Variants in RBFOX1 observed in about 807,000 individuals in gnomAD.
RBFOX1 encodes RNA binding fox-1 homolog 1, also known as RNA binding protein fox-1 homolog 1.
A neutral mutation model predicts 57.7 loss-of-function variants in RBFOX1; 8 were observed. That is an observed-to-expected ratio of 0.14 (90% CI 0.08 to 0.25). The LOEUF (loss-of-function observed/expected upper bound fraction) is 0.25. Among genes scored for constraint, RBFOX1 ranks in the 10% least tolerant of loss-of-function variants. RBFOX1 has a pLI of 1.00. For missense variants in RBFOX1, 611 were observed against 548.5 expected, an observed-to-expected ratio of 1.11 and a Z score of -1.14; for synonymous variants, 326 against 222.4, an observed-to-expected ratio of 1.47 and a Z score of -4.15.
chr16:6,628,348 C>T (rs896023692), intron 2 of RBFOX1, among the ~76,000 whole-genome samples: 1 of 152,180 alleles, frequency 6.6e-6, no homozygotes, highest in Non-Finnish European at 1.5e-5. Flanking sequence ...TATGTCCCAA[C>T]AGCAGGATGT....
intron 3 of RBFOX1, among the ~76,000 whole-genome samples, chr16:5,730,874 CACT>C (rs747918958): frequency 6.6e-5 from 10 of 152,046 alleles, no homozygotes; most frequent in Admixed American, 5.2e-4. Flanking sequence ...TTGTCATCAC[CACT>C]ATTATCATTG....
intron 3 of RBFOX1, among the ~76,000 whole-genome samples, chr16:6,844,388 C>G (rs1413324966): frequency 6.6e-6 from 1 of 152,106 alleles, no homozygotes; most frequent in African/African-American, 2.4e-5. Context: ...ATTGTTCTCT[C>G]CCATGTGCCC....
chr16:7,081,072 T>A (rs142328405), intron 4 of RBFOX1, among the ~76,000 whole-genome samples: 1 of 152,306 alleles, frequency 6.6e-6, no homozygotes, highest in Non-Finnish European at 1.5e-5. Context: ...TCTCACTCTG[T>A]CACCAAGGCT....
chr16:5,996,662 A>C (rs535161746), intron 4 of RBFOX1, among the ~76,000 whole-genome samples: 3 of 152,232 alleles, frequency 2.0e-5, no homozygotes, highest in African/African-American at 7.2e-5. Flanking sequence ...TTGGGGCTTG[A>C]AGGGGTAAGA....
intron 3 of RBFOX1, among the ~76,000 whole-genome samples, chr16:5,722,787 G>A (rs1202068446): frequency 2.0e-5 from 3 of 152,038 alleles, no homozygotes; most frequent in South Asian, 2.1e-4. Flanking sequence ...CATCAGTCTC[G>A]GCTTACCTCT....
At chr16:5,872,711 G>C (rs2057506133) in intron 4 of RBFOX1, among the ~76,000 whole-genome samples, 1 of 152,002 alleles carries the variant, frequency 6.6e-6, no homozygotes, top group South Asian at 2.1e-4. Context: ...ACTCTAGCCT[G>C]GGTGACAGAG....
chr16:6,640,096 A>G (rs549084593), intron 2 of RBFOX1, among the ~76,000 whole-genome samples: 7 of 152,282 alleles, frequency 4.6e-5, no homozygotes, highest in African/African-American at 1.7e-4. Flanking sequence ...TAAGTGGTAG[A>G]GTCAGGATTT....
chr16:5,565,196 C>T (rs551086605), intron 2 of RBFOX1, among the ~76,000 whole-genome samples: 1 of 152,244 alleles, frequency 6.6e-6, no homozygotes, highest in Non-Finnish European at 1.5e-5. Flanking sequence ...TAATAAGGTG[C>T]CTTTTCCTTA....
At chr16:7,525,490 G>A (rs112899589) in intron 5 of RBFOX1, among the ~76,000 whole-genome samples, 1,858 of 152,186 alleles carry the variant, frequency 0.012, 40 homozygotes, top group African/African-American at 0.043. Context: ...TGTGGACATT[G>A]ATCAATTACC....
At chr16:6,189,329 C>G (rs527797724) in intron 1 of RBFOX1, among the ~76,000 whole-genome samples, 1 of 152,322 alleles carries the variant, frequency 6.6e-6, no homozygotes, top group Non-Finnish European at 1.5e-5. Context: ...AGTGCCATTC[C>G]CGGAGTGCAT....
intron 1 of RBFOX1, among the ~76,000 whole-genome samples, chr16:6,230,516 G>A (rs952739867): frequency 3.9e-5 from 6 of 152,038 alleles, no homozygotes; most frequent in African/African-American, 1.4e-4. Context: ...GCATCAAACC[G>A]CCCCAAAGCC....
intron 4 of RBFOX1, among the ~76,000 whole-genome samples, chr16:7,440,993 G>C (rs950352809): frequency 2.0e-5 from 3 of 152,022 alleles, no homozygotes; most frequent in African/African-American, 7.3e-5. Flanking sequence ...GCTGAGCTAG[G>C]ATCATGCCAC....
intron 4 of RBFOX1, among the ~76,000 whole-genome samples, chr16:7,069,052 T>G (rs1039773554): frequency 7.2e-5 from 11 of 152,226 alleles, no homozygotes; most frequent in African/African-American, 2.4e-4. Context: ...AATGGATGTT[T>G]CTAAAGACTC....
chr16:7,133,289 G>C (rs1256283756), intron 4 of RBFOX1, among the ~76,000 whole-genome samples: 1 of 152,134 alleles, frequency 6.6e-6, no homozygotes, highest in African/African-American at 2.4e-5. Flanking sequence ...ATAAGCCATG[G>C]AGAGTACACT....
In RBFOX1 at chr16:6,559,589, C is replaced by G. The variant is rs539756695; in HGVS notation, c.-63-95014C>G. 2.1e-4 allele frequency among the ~76,000 whole-genome samples: 31 copies of G among 151,022 alleles called. 1 individual carries two copies. The South Asian group carries it at 6.6e-3, about 32-fold the overall frequency. ...GTTGGAAGGACATTGGAAAATAGGA[C>G]GTGTGGGTGTATGTGTATATATATA... On this transcript the variant is annotated intron_variant, in intron 2 of 15. Coordinates refer to ENST00000550418, the MANE Select transcript of RBFOX1 (RefSeq NM_018723.4).
chr16:6,152,527 C>G lies in RBFOX1; in HGVS notation c.-127+132535C>G, dbSNP rs1382164120. Among the ~76,000 whole-genome samples, 4 of 152,158 alleles carry G rather than the reference C, an allele frequency of 2.6e-5. No individual in the cohort carries two copies. In the East Asian group the frequency reaches 7.7e-4, roughly 29 times the overall value. ...CAAGTTGGGGTCAGAATTTAGAGGCCCCACTGGAGTGTTTATGCTTGTATC... is the reference window on the plus strand; with the variant it reads ...CAAGTTGGGGTCAGAATTTAGAGGCGCCACTGGAGTGTTTATGCTTGTATC... On this transcript the variant is annotated intron_variant, in intron 1 of 15. Coordinates refer to ENST00000550418, the MANE Select transcript of RBFOX1 (RefSeq NM_018723.4).
chr16:7,098,666 T>C (rs1171066012), intron 4 of RBFOX1, among the ~76,000 whole-genome samples: 4 of 152,102 alleles, frequency 2.6e-5, no homozygotes, highest in Non-Finnish European at 5.9e-5. Context: ...ATAGTGATGA[T>C]CTTGGCTGGG....
chr16:5,587,997 C>G (rs1171265142), intron 2 of RBFOX1, among the ~76,000 whole-genome samples: 1 of 152,202 alleles, frequency 6.6e-6, no homozygotes, highest in Non-Finnish European at 1.5e-5. Flanking sequence ...CAAAGGTGGT[C>G]TCTCTATGCA....
At chr16:5,420,667 G>A (rs2067290774) in intron 1 of RBFOX1, among the ~76,000 whole-genome samples, 1 of 152,096 alleles carries the variant, frequency 6.6e-6, no homozygotes, top group Non-Finnish European at 1.5e-5. Flanking sequence ...CTGAGTTGCT[G>A]GGACTACAGG....
Sources: allele counts gnomAD v4.1 joint callset (sites outside exome capture counted in the v4.1 genomes callset), GRCh38; gene constraint gnomAD v4.1.1; transcripts MANE v1.5; gene names NCBI Gene and HGNC (gene_info 2026-07-23, HGNC 2026-07-21).